Variants in PCDH8 observed in about 807,000 individuals in gnomAD.
The protein encoded by PCDH8 is protocadherin 8.
A neutral mutation model predicts 58.2 loss-of-function variants in PCDH8; 36 were observed. The ratio of observed to expected loss-of-function variants is 0.62; its 90% confidence interval spans 0.47 to 0.82. PCDH8 has a LOEUF of 0.82. PCDH8 is among the 40% of genes least tolerant of loss of function. The probability of loss-of-function intolerance (pLI) is 0.00; values close to 1 mark genes in which losing one functional copy is unlikely to be tolerated. For missense variants in PCDH8, 1,493 were observed against 1,567.8 expected (o/e 0.95, Z 0.81); for synonymous variants, 775 against 728.9 (o/e 1.06, Z -1.02).
At position 52,847,139 on chromosome 13, in the gene PCDH8, C is replaced by A. The variant is rs1415532677; in HGVS notation, c.1298G>T (p.Gly433Val). ...ANGQVRCALY[G>V]HEHFRLQPAY... ...CGGCTGCAGCCGGAAGTGCTCGTGC[C>A]CATAGAGGGCGCAGCGCACTTGCCC... Residue 433 changes from glycine (G) to valine (V), a missense_variant, in exon 1 of 3, where the codon GGG (glycine) becomes GTG (valine). Physicochemically the swap from Gly to Val is moderately radical, Grantham distance 109 (BLOSUM62 -3). Around this residue, in one of 3 missense-constraint regions of PCDH8, gnomAD observed 1,307 missense variants for 1,362.7 expected, o/e 0.96. Coordinates refer to ENST00000377942, the MANE Select transcript of PCDH8 (RefSeq NM_002590.4). The A allele has an allele frequency of 6.5e-7, 1 of 1,537,308 alleles. No individual in the cohort carries two copies.
chr13:52,847,461 C>A lies in PCDH8; in HGVS notation c.976G>T (p.Ala326Ser). Residue 326 changes from alanine to serine, a missense_variant, in exon 1 of 3, where the codon GCG becomes TCG. Coordinates refer to ENST00000377942, the MANE Select transcript of PCDH8 (RefSeq NM_002590.4). ...RQDTYELDVR[A>S]QDRGPGPRAA... ...CGGGGCCCGGGTCCGCGGTCCTGCG[C>A]CCGCACGTCCAGCTCGTAGGTGTCC... 6.3e-7 allele frequency: 1 copy of A among 1,591,034 alleles called. No individual in the cohort carries two copies. The highest frequency in any genetic ancestry group is 8.5e-7 in the Non-Finnish European group (1 of 1,175,030).
Position 52,847,315 on chromosome 13 carries a change from G to GGCA in PCDH8, c.1121_1122insTGC (p.Ala378dup), listed in dbSNP as rs1292025794. 2.8e-6 allele frequency: 4 copies of GGCA among 1,407,618 alleles called. No individual in the cohort carries two copies. In the African/African-American group the frequency reaches 6.0e-5, roughly 21 times the overall value. The allele number at this position is 1,407,618 out of a possible 1,614,324, so 87.2% of individuals were successfully genotyped here. A position where few individuals can be genotyped will look rare whatever the true frequency, so the allele number is the denominator to read the frequency against. On this transcript the variant is annotated inframe_insertion, in exon 1 of 3. Coordinates refer to ENST00000377942, the MANE Select transcript of PCDH8 (RefSeq NM_002590.4). Reference sequence around the variant, plus strand: ...CCGCTCCCCCGAGTGCAGCGGCGGCGGCGGCAGCGGCGAAGGGTGAGGTTG... The same window carrying GGCA: ...CCGCTCCCCCGAGTGCAGCGGCGGCGGCAGCGGCAGCGGCGAAGGGTGAGGTTG...
rs1157212091 is a variant in PCDH8, at chr13:52,846,536, G to A, written c.1901C>T (p.Ala634Val). Residue 634 changes from alanine to valine, a missense_variant, in exon 1 of 3, where the codon GCC becomes GTC. Transcript: ENST00000377942. ...GTCTGCATCCCGGGCCTGCACACGGGCCACAACCGTGTCCTTTGCGGTGCG... is the reference window on the plus strand; with the variant it reads ...GTCTGCATCCCGGGCCTGCACACGGACCACAACCGTGTCCTTTGCGGTGCG... ...PGRTAKDTVV[A>V]RVQARDADEG... 1.9e-6 allele frequency: 3 copies of A among 1,599,632 alleles called. No individual in the cohort carries two copies. The highest frequency in any genetic ancestry group is 2.5e-6 in the Non-Finnish European group (3 of 1,178,692).
In PCDH8 at chr13:52,846,636, C is replaced by T; in HGVS notation, c.1801G>A (p.Asp601Asn). The change falls in exon 1 of 3, where the codon GAC becomes AAC. Residue 601 changes from aspartate (D) to asparagine (N), a missense_variant. Transcript: ENST00000377942. Reference protein sequence around the residue: ...SSALVQVRVLDQNDHAPVLVH... With the variant: ...SSALVQVRVLNQNDHAPVLVH... The stretch of plus-strand genomic sequence containing the variant: ...AGGACTGGCGCATGGTCGTTCTGGT[C>T]CAGCACGCGCACTTGCACTAGGGCG... The T allele has an allele frequency of 6.2e-7, 1 of 1,604,300 alleles. No homozygotes were observed. The highest frequency in any genetic ancestry group is 8.5e-7 in the Non-Finnish European group (1 of 1,178,094).
rs1965688261 is a variant in PCDH8 at position 52,843,363 on chromosome 13, T to A, written c.*1197A>T. 6.6e-6 allele frequency: 1 copy of A among 152,232 alleles called. No individual in the cohort carries two copies. The highest frequency in any genetic ancestry group is 6.5e-5 in the Admixed American group (1 of 15,284). The allele number at this position is 152,232 out of a possible 1,614,324, so 9.4% of individuals were successfully genotyped here. ...CTTGTTTCACATAGCTCCCTGTGTTTTTTTCTAGAACATTTTAAAGCGAAT... is the reference window on the plus strand; with the variant it reads ...CTTGTTTCACATAGCTCCCTGTGTTATTTTCTAGAACATTTTAAAGCGAAT... On this transcript the variant is annotated 3_prime_UTR_variant, in exon 3 of 3. Coordinates refer to ENST00000377942, the MANE Select transcript of PCDH8 (RefSeq NM_002590.4).
chr13:52,845,743 C>T, intron 1 of PCDH8, 63 bp downstream of exon 1: 1 of 1,511,960 alleles, frequency 6.6e-7, no homozygotes, highest in South Asian at 1.2e-5. Flanking sequence ...CCCCTCCAGT[C>T]TCCCTTCCCC....
At chr13:52,845,044 C>T (rs1965708492) in intron 2 of PCDH8, 111 bp from the exon 3 acceptor site, 20 of 1,179,192 alleles carry the variant, frequency 1.7e-5, no homozygotes, top group Non-Finnish European at 2.4e-5. Context: ...AAAGGAAAGG[C>T]TGTGCGCATA....
In PCDH8 at chr13:52,845,898, C is replaced by CCGCGGCGACCGCAGGCGGAGG; in HGVS notation, c.2518_2538dup (p.Pro840_Ala846dup). The CCGCGGCGACCGCAGGCGGAGG allele has an allele frequency of 1.4e-6, 2 of 1,480,096 alleles. No individual in the cohort carries two copies. Among genetic ancestry groups the CCGCGGCGACCGCAGGCGGAGG allele is most frequent in the Non-Finnish European group, 1.8e-6 (2 of 1,127,170 alleles). 91.7% of individuals were successfully genotyped at this position (1,480,096 alleles called of 1,614,324 possible). Reference sequence around the variant, plus strand: ...CCGCCCTCTGAGCCCGGCACTTCGGCCGCGGCGACCGCAGGCGGAGGCGCG... The same window carrying CCGCGGCGACCGCAGGCGGAGG: ...CCGCCCTCTGAGCCCGGCACTTCGGCCGCGGCGACCGCAGGCGGAGGCGCGGCGACCGCAGGCGGAGGCGCG... On this transcript the variant is annotated inframe_insertion, in exon 1 of 3. Coordinates refer to ENST00000377942, the MANE Select transcript of PCDH8 (RefSeq NM_002590.4).
rs779748947 is a variant in PCDH8 at position 52,846,841 on chromosome 13, G to A, written c.1596C>T (p.Val532=). 121 of 1,549,162 alleles carry A rather than the reference G, an allele frequency of 7.8e-5. No homozygotes were observed. Among genetic ancestry groups the A allele is most frequent in the Non-Finnish European group, 1.0e-4 (117 of 1,153,022 alleles). ...CCTCGGCCTCCAGCAGCCGGTAGGT[G>A]ACCTGGCCGTTGCGGCCCAGGTCCC... The part of the protein sequence containing the change: ...RDRDLGRNGQ[V]TYRLLEAEVG... Residue 532 remains valine, a synonymous_variant, in exon 1 of 3, where the codon GTC becomes GTT. Transcript: ENST00000377942.
In PCDH8 at chr13:52,842,985, C is replaced by A. The variant is rs1018089723; in HGVS notation, c.*1575G>T. 2 of 152,144 alleles carry A rather than the reference C, an allele frequency of 1.3e-5. No homozygotes were observed. The highest frequency in any genetic ancestry group is 1.5e-5 in the Non-Finnish European group (1 of 68,026). 9.4% of individuals were successfully genotyped at this position (152,144 alleles called of 1,614,324 possible). A position where few individuals can be genotyped will look rare whatever the true frequency, so the allele number is the denominator to read the frequency against. On this transcript the variant is annotated 3_prime_UTR_variant, in exon 3 of 3. Coordinates refer to ENST00000377942, the MANE Select transcript of PCDH8 (RefSeq NM_002590.4). ...GTGTGATTTTTGGCATTTTATCTAA[C>A]CTTCTTGTGCCTCGGTTTCTTTAAT...
Position 52,846,799 on chromosome 13 carries a change from G to A in PCDH8, c.1638C>T (p.Gly546=), listed in dbSNP as rs1356246963. The A allele has an allele frequency of 1.8e-5, 28 of 1,553,896 alleles. No homozygotes were observed. Among genetic ancestry groups the A allele is most frequent in the Non-Finnish European group, 2.2e-5 (25 of 1,156,620 alleles). Residue 546 remains glycine (G), a synonymous_variant, in exon 1 of 3, where the codon GGC becomes GGT. Transcript: ENST00000377942. ...LLEAEVGRAG[G]AVSTYVSVDP... ...CCACCGAGACATAAGTGGACACGGC[G>A]CCCCCGGCGCGGCCCACCTCGGCCT...
At position 52,847,309 on chromosome 13, in the gene PCDH8, G is replaced by A; in HGVS notation, c.1128C>T (p.Ala376=). 5.1e-6 allele frequency: 7 copies of A among 1,375,636 alleles called. No individual in the cohort carries two copies. Among genetic ancestry groups the A allele is most frequent in the African/African-American group, 1.5e-5 (1 of 66,534 alleles). 85.2% of individuals were successfully genotyped at this position (1,375,636 alleles called of 1,614,324 possible). A position where few individuals can be genotyped will look rare whatever the true frequency, so the allele number is the denominator to read the frequency against. Residue 376 remains alanine, a synonymous_variant, in exon 1 of 3, where the codon GCC becomes GCT. Coordinates refer to ENST00000377942, the MANE Select transcript of PCDH8 (RefSeq NM_002590.4). ...TAGCGTCCGCTCCCCCGAGTGCAGC[G>A]GCGGCGGCGGCAGCGGCGAAGGGTG... ...ATSPFAAAAA[A]AALGGADASS...
rs748502706 is a variant in PCDH8, at chr13:52,848,083, C to G, written c.354G>C (p.Leu118=). 1.9e-6 allele frequency: 3 copies of G among 1,612,718 alleles called. No homozygotes were observed. In the Admixed American group the frequency reaches 5.0e-5, roughly 27 times the overall value. ...VVSFSQEQFR[L]VHVEVEVRDV... ...CCCTCACCTCTACCTCCACGTGCAC[C>G]AGCCGGAACTGCTCCTGCGAGAAGC... Residue 118 remains leucine, a synonymous_variant, in exon 1 of 3, where the codon CTG becomes CTC. Transcript: ENST00000377942.
chr13:52,847,603 G>T lies in PCDH8; in HGVS notation c.834C>A (p.Asn278Lys). The change falls in exon 1 of 3, where the codon AAC becomes AAA. Residue 278 changes from asparagine (N) to lysine (K), a missense_variant. By Grantham distance (94) the Asn-to-Lys change is moderately conservative. Around this residue, in one of 3 missense-constraint regions of PCDH8, gnomAD observed 1,307 missense variants for 1,362.7 expected, o/e 0.96. Transcript: ENST00000377942. Reference protein sequence around the residue: ...LDAADPDEGPNGDVVFAFGAR... With the variant: ...LDAADPDEGPKGDVVFAFGAR... ...CGCCAAATGCGAACACCACGTCGCC[G>T]TTAGGTCCCTCGTCGGGGTCGGCTG... 1.3e-6 allele frequency: 2 copies of T among 1,570,710 alleles called. No individual in the cohort carries two copies. The highest frequency in any genetic ancestry group is 1.7e-6 in the Non-Finnish European group (2 of 1,166,618).
At chr13:52,845,018 T>A in intron 2 of PCDH8, 85 bp from the exon 3 acceptor site, 1 of 1,431,690 alleles carries the variant, frequency 7.0e-7, no homozygotes. Flanking sequence ...CATGTCAGCC[T>A]GGGTCAGGGC....
Position 52,843,176 on chromosome 13 carries a change from A to G in PCDH8, c.*1384T>C, listed in dbSNP as rs1038507574. The G allele has an allele frequency of 1.3e-5, 2 of 152,248 alleles. No homozygotes were observed. The highest frequency in any genetic ancestry group is 2.9e-5 in the Non-Finnish European group (2 of 68,042). The allele number at this position is 152,248 out of a possible 1,614,324, so 9.4% of individuals were successfully genotyped here. A position where few individuals can be genotyped will look rare whatever the true frequency, so the allele number is the denominator to read the frequency against. ...ATCATTTTAATTTCAAATGAAATCC[A>G]TAGAGTATAAGACATAGGCATAGTA... On this transcript the variant is annotated 3_prime_UTR_variant, in exon 3 of 3. Coordinates refer to ENST00000377942, the MANE Select transcript of PCDH8 (RefSeq NM_002590.4).
In PCDH8 at chr13:52,843,014, A is replaced by G. The variant is rs1028507755; in HGVS notation, c.*1546T>C. 1 of 152,198 alleles carries G rather than the reference A, an allele frequency of 6.6e-6. No individual in the cohort carries two copies. The highest frequency in any genetic ancestry group is 1.5e-5 in the Non-Finnish European group (1 of 68,042). 9.4% of individuals were successfully genotyped at this position (152,198 alleles called of 1,614,324 possible). On this transcript the variant is annotated 3_prime_UTR_variant, in exon 3 of 3. Transcript: ENST00000377942. ...CTTGTGCCTCGGTTTCTTTAATTGC[A>G]AAATGGAGTTAATGATACTTCCCAT...
Position 52,848,128 on chromosome 13 carries a change from C to T in PCDH8, c.309G>A (p.Val103=). 1 of 1,612,814 alleles carries T rather than the reference C, an allele frequency of 6.2e-7. No individual in the cohort carries two copies. Among genetic ancestry groups the T allele is most frequent in the Non-Finnish European group, 8.5e-7 (1 of 1,179,806 alleles). ...ERLCGQAPQC[V]LAFDVVSFSQ... is the part of the protein sequence containing the mutation. ...AGAAGCTGACCACATCGAAGGCCAGCACGCACTGCGGGGCCTGGCCACACA... is the reference window on the plus strand; with the variant it reads ...AGAAGCTGACCACATCGAAGGCCAGTACGCACTGCGGGGCCTGGCCACACA... The change falls in exon 1 of 3, where the codon GTG becomes GTA. Residue 103 remains valine, a synonymous_variant. Coordinates refer to ENST00000377942, the MANE Select transcript of PCDH8 (RefSeq NM_002590.4).
In PCDH8 at chr13:52,847,741, G is replaced by A. The variant is rs748149994; in HGVS notation, c.696C>T (p.Ser232=). 3.7e-5 allele frequency: 55 copies of A among 1,493,714 alleles called. No homozygotes were observed. In the African/African-American group the frequency reaches 6.8e-4, roughly 18 times the overall value. The allele number at this position is 1,493,714 out of a possible 1,614,324, so 92.5% of individuals were successfully genotyped here. The change falls in exon 1 of 3, where the codon AGC becomes AGT. Residue 232 remains serine, a synonymous_variant. Transcript: ENST00000377942. ...RPPRSATAAL[S]VRVLDANDHS... is the part of the protein sequence containing the mutation. ...GGTCATTCGCATCCAGGACGCGCACGCTGAGGGCAGCCGTGGCGGAGCGCG... is the reference window on the plus strand; with the variant it reads ...GGTCATTCGCATCCAGGACGCGCACACTGAGGGCAGCCGTGGCGGAGCGCG...
Sources: gnomAD v4.1 joint callset for allele counts on GRCh38, gnomAD v4.1.1 for gene constraint, gnomAD v4.1.1 regional missense constraint, MANE v1.5 for transcripts, NCBI Gene and HGNC (gene_info 2026-07-23, HGNC 2026-07-21) for gene names.